MAP4K4: variants seen among roughly 807,000 people sequenced by gnomAD.
MAP4K4 encodes mitogen-activated protein kinase kinase kinase kinase 4, also known as HPK/GCK-like kinase HGK.
In MAP4K4, 38 loss-of-function variants were observed where a neutral mutation model predicts 189.6. The ratio of observed to expected loss-of-function variants is 0.20; its 90% CI spans 0.15 to 0.26. The LOEUF is 0.26. MAP4K4 is among the 10% of genes least tolerant of loss of function. MAP4K4 has a pLI of 1.00. For synonymous variants in MAP4K4, 610 were observed against 624.3 expected (o/e 0.98, Z 0.34); for missense variants, 1,054 against 1,726.9 (o/e 0.61, Z 6.91).
At chr2:101,744,895 C>CT (rs754708885) in intron 2 of MAP4K4, among the ~76,000 whole-genome samples, 26 of 152,156 alleles carry the variant, frequency 1.7e-4, no homozygotes, top group Non-Finnish European at 3.2e-4. Context: ...GAGAGCAACT[C>CT]TTTAAGCACC....
chr2:101,765,860 G>T (rs763766620), intron 2 of MAP4K4, among the ~76,000 whole-genome samples: 3 of 152,158 alleles, frequency 2.0e-5, no homozygotes, highest in Non-Finnish European at 2.9e-5. Flanking sequence ...CAATTACTCT[G>T]TGAGGCGTAT....
intron 2 of MAP4K4, among the ~76,000 whole-genome samples, chr2:101,739,969 T>G (rs923363332): frequency 6.6e-6 from 1 of 152,114 alleles, no homozygotes. Flanking sequence ...AGGTCCATTA[T>G]TTTACACTAA....
chr2:101,706,787 C>T (rs1280572078), intron 2 of MAP4K4, among the ~76,000 whole-genome samples: 1 of 152,170 alleles, frequency 6.6e-6, no homozygotes, highest in East Asian at 1.9e-4. Flanking sequence ...TCTTACTTTC[C>T]TGAAGCACAT....
exon 25 of MAP4K4, chr2:101,873,656 G>C (rs1443702115): frequency 6.3e-7 from 1 of 1,589,250 alleles, no homozygotes; most frequent in Non-Finnish European, 8.6e-7. Flanking sequence ...GACTCAGTCC[G>C]CTAGTAGCAC....
intron 3 of MAP4K4, among the ~76,000 whole-genome samples, chr2:101,815,925 G>C (rs1385038023): frequency 6.6e-6 from 1 of 152,196 alleles, no homozygotes; most frequent in African/African-American, 2.4e-5. Flanking sequence ...CGTGTTGATA[G>C]TGTGCTACTG....
At chr2:101,834,783 T>C (rs1344681130) in intron 8 of MAP4K4, among the ~76,000 whole-genome samples, 1 of 152,240 alleles carries the variant, frequency 6.6e-6, no homozygotes, top group Non-Finnish European at 1.5e-5. Context: ...AATTGAGTAA[T>C]TCAGTGAAAC....
At chr2:101,864,603 G>A (rs1203879545) in intron 17 of MAP4K4, among the ~76,000 whole-genome samples, 1 of 152,084 alleles carries the variant, frequency 6.6e-6, no homozygotes, top group African/African-American at 2.4e-5. Context: ...CCATTGTTTG[G>A]TTTCTTTGAG....
intron 3 of MAP4K4, among the ~76,000 whole-genome samples, chr2:101,797,889 G>GTTTTTTTTGTT: frequency 1.9e-5 from 1 of 52,304 alleles, no homozygotes; most frequent in Non-Finnish European, 3.3e-5. Context: ...CATTCTTTTA[G>GTTTTTTTTGTT]TTTTTTTTTT....
At chr2:101,840,032 T>G (rs933252605) in intron 10 of MAP4K4, 38 bp downstream of exon 10, 2 of 1,549,344 alleles carry the variant, frequency 1.3e-6, no homozygotes, top group Non-Finnish European at 8.7e-7. Context: ...TTTAAAATTT[T>G]TATGTTTAGT....
chr2:101,722,617 G>T (rs1487411859), intron 2 of MAP4K4, among the ~76,000 whole-genome samples: 1 of 152,136 alleles, frequency 6.6e-6, no homozygotes, highest in Non-Finnish European at 1.5e-5. Context: ...CTAGGATTAT[G>T]TTGGAAGTCC....
chr2:101,801,870 T>C (rs1272420876), intron 3 of MAP4K4, among the ~76,000 whole-genome samples: 1 of 152,188 alleles, frequency 6.6e-6, no homozygotes, highest in African/African-American at 2.4e-5. Flanking sequence ...TGGAGCCTTG[T>C]CTTTTCTCAG....
At chr2:101,765,033 G>C (rs915047570) in intron 2 of MAP4K4, among the ~76,000 whole-genome samples, 9 of 152,064 alleles carry the variant, frequency 5.9e-5, no homozygotes, top group Non-Finnish European at 1.2e-4. Context: ...AAGTAAGCAA[G>C]GTAAACTTGA....
intron 2 of MAP4K4, among the ~76,000 whole-genome samples, chr2:101,773,614 G>A (rs1268998230): frequency 6.6e-6 from 1 of 152,156 alleles, no homozygotes; most frequent in Non-Finnish European, 1.5e-5. Flanking sequence ...TACTGTTTTA[G>A]TTATTTAAAA....
At chr2:101,770,233 C>T (rs2080646356) in intron 2 of MAP4K4, among the ~76,000 whole-genome samples, 1 of 137,614 alleles carries the variant, frequency 7.3e-6, no homozygotes, top group African/African-American at 2.7e-5. Context: ...CACTTTTGTT[C>T]ATTCTGATTT....
At chr2:101,736,021 A>G (rs548456048) in intron 2 of MAP4K4, among the ~76,000 whole-genome samples, 3 of 152,332 alleles carry the variant, frequency 2.0e-5, no homozygotes, top group Admixed American at 2.0e-4. Context: ...TACTAGTTAC[A>G]GGTGTTTTAT....
At chr2:101,739,598 T>G (rs759299637) in intron 2 of MAP4K4, among the ~76,000 whole-genome samples, 46 of 152,306 alleles carry the variant, frequency 3.0e-4, no homozygotes, top group Non-Finnish European at 4.6e-4. Context: ...TTATTGGATA[T>G]ATTTACTTTT....
At chr2:101,830,296 G>T (rs918632349) in intron 6 of MAP4K4, among the ~76,000 whole-genome samples, 2 of 152,120 alleles carry the variant, frequency 1.3e-5, no homozygotes, top group Non-Finnish European at 2.9e-5. Flanking sequence ...TGACTTCATT[G>T]TAGTAGGTGC....
intron 6 of MAP4K4, among the ~76,000 whole-genome samples, chr2:101,830,927 T>G (rs1273303297): frequency 6.6e-6 from 1 of 152,240 alleles, no homozygotes; most frequent in African/African-American, 2.4e-5. Flanking sequence ...CGAGCCATTT[T>G]CTGAGCGTGT....
At chr2:101,806,359 A>T (rs937445964) in intron 3 of MAP4K4, among the ~76,000 whole-genome samples, 1 of 147,374 alleles carries the variant, frequency 6.8e-6, no homozygotes, top group Non-Finnish European at 1.5e-5. Context: ...GAATGCCTTC[A>T]TTTCAGCTGT....
Sources: allele counts gnomAD v4.1 joint callset (sites outside exome capture counted in the v4.1 genomes callset), GRCh38; gene constraint gnomAD v4.1.1; transcripts MANE v1.5; gene names NCBI Gene and HGNC (gene_info 2026-07-23, HGNC 2026-07-21).